Variants in AMBN observed in about 807,000 individuals in gnomAD.
The protein encoded by AMBN is enamel matrix protein.
AMBN carries 54 observed loss-of-function variants against 48.0 expected under a neutral mutation model. That is an observed-to-expected ratio of 1.12 (90% CI 0.90 to 1.41). The LOEUF (loss-of-function observed/expected upper bound fraction) is 1.41, where lower values mean the gene tolerates loss of function less well. Ranked by LOEUF, AMBN falls within the 40% of genes most tolerant of loss-of-function variation. The pLI is 0.00. For missense variants in AMBN, 571 were observed against 547.3 expected, an observed-to-expected ratio of 1.04 and a Z score of -0.43; for synonymous variants, 186 against 190.0, an observed-to-expected ratio of 0.98 and a Z score of 0.17.
intron 6 of AMBN, chr4:70,601,942 A>T (rs761133818): frequency 2.6e-4 from 136 of 528,350 alleles, no homozygotes; most frequent in Middle Eastern, 8.5e-4. Context: ...ATAGAATAAA[A>T]CCCCAGAGAA....
At chr4:70,601,713 G>C in intron 6 of AMBN, 59 bp downstream of exon 6, 1 of 1,490,298 alleles carries the variant, frequency 6.7e-7, no homozygotes. Context: ...AGAAGAAAAC[G>C]AATTTGCAGG....
intron 12 of AMBN, among the ~76,000 whole-genome samples, chr4:70,605,411 G>A (rs1577958043): frequency 6.6e-6 from 1 of 152,100 alleles, no homozygotes; most frequent in East Asian, 1.9e-4. Flanking sequence ...GATTTAAAAT[G>A]AGTCATAATT....
intron 5 of AMBN, among the ~76,000 whole-genome samples, chr4:70,600,694 A>G (rs927392491): frequency 2.6e-5 from 4 of 152,344 alleles, no homozygotes. Context: ...AATTTCTACA[A>G]GAAGTAACAA....
intron 2 of AMBN, 23 bp from the exon 3 acceptor site, chr4:70,596,976 A>G: frequency 6.2e-7 from 1 of 1,610,332 alleles, no homozygotes; most frequent in South Asian, 1.1e-5. Flanking sequence ...ATAAGACTCA[A>G]AATTATTCTT....
intron 4 of AMBN, 21 bp from the exon 5 acceptor site, chr4:70,599,514 CT>C: frequency 4.0e-6 from 6 of 1,508,530 alleles, no homozygotes; most frequent in East Asian, 2.3e-5. Context: ...ATAAGCATGT[CT>C]TTTTTTATCC....
intron 2 of AMBN, among the ~76,000 whole-genome samples, chr4:70,595,939 T>C (rs1737375147): frequency 6.6e-6 from 1 of 152,196 alleles, no homozygotes; most frequent in Non-Finnish European, 1.5e-5. Flanking sequence ...GAGGATTACT[T>C]GAGCTCAGGA....
At chr4:70,593,416 T>G (rs1164698357) in intron 2 of AMBN, 21 bp downstream of exon 2, 1 of 1,594,592 alleles carries the variant, frequency 6.3e-7, no homozygotes, top group South Asian at 1.1e-5. Context: ...CTTTAGAGTG[T>G]GTCCCAGAAA....
At chr4:70,595,736 A>G (rs1228182479) in intron 2 of AMBN, among the ~76,000 whole-genome samples, 1 of 152,218 alleles carries the variant, frequency 6.6e-6, no homozygotes, top group African/African-American at 2.4e-5. Flanking sequence ...CCAAAGAACC[A>G]GAGACTCTCA....
intron 12 of AMBN, 57 bp downstream of exon 12, chr4:70,603,978 A>C (rs2109804608): frequency 6.5e-7 from 1 of 1,549,046 alleles, no homozygotes; most frequent in Non-Finnish European, 8.9e-7. Context: ...ACAGTCACTT[A>C]TGACTGGCTG....
In AMBN at chr4:70,598,329, C is replaced by G. The variant is rs1315163721; in HGVS notation, c.136-27C>G. 2.6e-6 allele frequency: 4 copies of G among 1,548,862 alleles called. No homozygotes were observed. The South Asian group carries it at 5.1e-5, about 20-fold the overall frequency. The stretch of plus-strand genomic sequence containing the variant: ...TGTCAAACACAGCATATGCGATAAA[C>G]AGTAACCCACTTTTTTTTCTTGATA... On this transcript the variant is annotated intron_variant, in intron 3 of 12. Transcript: ENST00000322937.
chr4:70,606,543 T>C lies in AMBN; in HGVS notation c.1157T>C (p.Leu386Pro), dbSNP rs1392064714. 4 of 1,614,116 alleles carry C rather than the reference T, an allele frequency of 2.5e-6. No homozygotes were observed. Among genetic ancestry groups the C allele is most frequent in the Non-Finnish European group, 3.4e-6 (4 of 1,179,996 alleles). Reference sequence around the variant, plus strand: ...GTCACCCCAGCAGCTGCTGACCCACTGATGACCCCTGAATTAGCTGATGTT... The same window carrying C: ...GTCACCCCAGCAGCTGCTGACCCACCGATGACCCCTGAATTAGCTGATGTT... ...PSVTPAAADP[L>P]MTPELADVYR... Residue 386 changes from leucine (L) to proline (P), a missense_variant, in exon 13 of 13, where the codon CTG (leucine) becomes CCG (proline). Physicochemically the swap from Leu to Pro is moderately conservative, Grantham distance 98. Transcript: ENST00000322937.
intron 6 of AMBN, 114 bp downstream of exon 6, chr4:70,601,768 A>C (rs950442461): frequency 1.1e-6 from 1 of 930,180 alleles, no homozygotes; most frequent in Non-Finnish European, 1.7e-6. Context: ...ACGTGATATA[A>C]ATATATTCTT....
At position 70,601,419 on chromosome 4, in the gene AMBN, A is replaced by C; in HGVS notation, c.296A>C (p.Tyr99Ser). The change falls in exon 6 of 13, where the codon TAT (tyrosine) becomes TCT (serine). Residue 99 changes from tyrosine to serine, a missense_variant and splice_region_variant. Physicochemically the swap from Tyr to Ser is moderately radical, Grantham distance 144. Transcript: ENST00000322937. ...MRPREHETQQ[Y>S]EYSLPVHPPP... ...CACTCTTTTCAAATTTCTCTGCAGTATGAATATTCTTTGCCTGTGCATCCC... is the reference window on the plus strand; with the variant it reads ...CACTCTTTTCAAATTTCTCTGCAGTCTGAATATTCTTTGCCTGTGCATCCC... The C allele has an allele frequency of 6.2e-7, 1 of 1,613,474 alleles. No individual in the cohort carries two copies. Among genetic ancestry groups the C allele is most frequent in the Non-Finnish European group, 8.5e-7 (1 of 1,179,422 alleles).
intron 6 of AMBN, 80 bp downstream of exon 6, chr4:70,601,734 A>G: frequency 7.7e-7 from 1 of 1,306,910 alleles, no homozygotes; most frequent in African/African-American, 1.5e-5. Context: ...GCACTTTTAA[A>G]TAATCGTAGC....
At chr4:70,594,990 T>C (rs1737357246) in intron 2 of AMBN, among the ~76,000 whole-genome samples, 1 of 152,202 alleles carries the variant, frequency 6.6e-6, no homozygotes, top group Non-Finnish European at 1.5e-5. Context: ...CACTTTGTTC[T>C]GTGGCTCAAT....
chr4:70,603,787 T>C, intron 11 of AMBN, 90 bp from the exon 12 acceptor site: 1 of 1,394,500 alleles, frequency 7.2e-7, no homozygotes, highest in African/African-American at 1.4e-5. Context: ...TATTAAGGTT[T>C]AAGTGAAAAC....
chr4:70,597,987 C>G (rs1383188472), intron 3 of AMBN, among the ~76,000 whole-genome samples: 12 of 151,988 alleles, frequency 7.9e-5, no homozygotes, highest in African/African-American at 2.7e-4. Flanking sequence ...CCTCTTCTGG[C>G]TGAACTTGTA....
chr4:70,603,482 A>G (rs755836736), intron 11 of AMBN, 22 bp downstream of exon 11: 3 of 1,601,942 alleles, frequency 1.9e-6, no homozygotes, highest in Admixed American at 3.4e-5. Context: ...TTCTATAAAA[A>G]GTATTGTTTT....
At position 70,606,508 on chromosome 4, in the gene AMBN, A is replaced by G; in HGVS notation, c.1122A>G (p.Gly374=). Residue 374 remains glycine (G), a synonymous_variant, in exon 13 of 13, where the codon GGA becomes GGG. Transcript: ENST00000322937. The part of the protein sequence containing the change: ...LPRSPSGKMK[G]LPSVTPAAAD... ...GGAGCCCTTCAGGGAAGATGAAGGG[A>G]CTCCCCAGCGTCACCCCAGCAGCTG... 1 of 1,613,702 alleles carries G rather than the reference A, an allele frequency of 6.2e-7. No homozygotes were observed. The highest frequency in any genetic ancestry group is 8.5e-7 in the Non-Finnish European group (1 of 1,179,930).
Sources: gnomAD v4.1 joint callset for allele counts (sites outside exome capture counted in the v4.1 genomes callset) on GRCh38, gnomAD v4.1.1 for gene constraint, MANE v1.5 for transcripts, NCBI Gene and HGNC (gene_info 2026-07-23, HGNC 2026-07-21) for gene names.